Variants in ANKRD55 observed in about 807,000 individuals in gnomAD.
ANKRD55 encodes the protein ankyrin repeat domain-containing protein 55.
In ANKRD55, 41 loss-of-function variants were observed where a neutral mutation model predicts 60.6. The ratio of observed to expected loss-of-function variants is 0.68; its 90% CI spans 0.53 to 0.88. The LOEUF is 0.88. Ranked by LOEUF, ANKRD55 falls within the 40% of genes least tolerant of loss-of-function variation. The pLI, the probability that ANKRD55 is intolerant of heterozygous loss-of-function variation, is 0.00. For synonymous variants in ANKRD55, 264 were observed against 290.3 expected, an observed-to-expected ratio of 0.91 and a Z score of 0.92; for missense variants, 732 against 767.6, an observed-to-expected ratio of 0.95 and a Z score of 0.55.
chr5:56,186,913 G>A (rs1031555168), intron 2 of ANKRD55, among the ~76,000 whole-genome samples: 4 of 152,160 alleles, frequency 2.6e-5, no homozygotes, highest in African/African-American at 9.7e-5. Flanking sequence ...TCCTGGTGGT[G>A]GGCTGAGGAG....
At chr5:56,125,057 T>C (rs745994788) in intron 8 of ANKRD55, among the ~76,000 whole-genome samples, 12 of 152,210 alleles carry the variant, frequency 7.9e-5, no homozygotes, top group Non-Finnish European at 1.5e-4. Flanking sequence ...TGGATTTTCT[T>C]TGCTAAGTGG....
intron 2 of ANKRD55, chr5:56,192,459 A>G (rs1360866789): frequency 4.8e-6 from 1 of 207,790 alleles, no homozygotes; most frequent in Non-Finnish European, 9.7e-6. Flanking sequence ...CAGAGAAGCA[A>G]AAGTCGCCGG....
chr5:56,115,878 G>A lies in ANKRD55; in HGVS notation c.965+737C>T, dbSNP rs184179592. 5.0e-3 allele frequency among the ~76,000 whole-genome samples: 753 copies of A among 149,442 alleles called. 7 individuals carry two copies. Among genetic ancestry groups the A allele is most frequent in the African/African-American group, 0.017 (701 of 40,648 alleles). On this transcript the variant is annotated intron_variant, in intron 9 of 11. Transcript: ENST00000341048. ...TAATTAATTAATTTTTTTTTGAGAC[G>A]GAGTCTCACTCTGTCACCCAGGCTG...
At chr5:56,184,561 C>A (rs187563832) in intron 2 of ANKRD55, among the ~76,000 whole-genome samples, 1 of 152,300 alleles carries the variant, frequency 6.6e-6, no homozygotes, top group African/African-American at 2.4e-5. Context: ...TAGCCACCTG[C>A]ATTATGCCTT....
At chr5:56,210,248 A>G (rs1360304027) in intron 2 of ANKRD55, among the ~76,000 whole-genome samples, 2 of 152,086 alleles carry the variant, frequency 1.3e-5, no homozygotes, top group Non-Finnish European at 2.9e-5. Context: ...ATCTGTTGGT[A>G]TCCTTTCTAT....
At chr5:56,150,366 T>G (rs1311236859) in intron 6 of ANKRD55, among the ~76,000 whole-genome samples, 2 of 152,106 alleles carry the variant, frequency 1.3e-5, no homozygotes, top group Admixed American at 1.3e-4. Flanking sequence ...ATAAACAACC[T>G]TATATGTTAT....
intron 5 of ANKRD55, among the ~76,000 whole-genome samples, chr5:56,166,204 TC>T (rs1274352794): frequency 5.6e-5 from 8 of 142,352 alleles, no homozygotes; most frequent in South Asian, 4.6e-4. Flanking sequence ...CTTCCTTCTC[TC>T]TCTCTCTCTC....
chr5:56,232,822 A>G (rs772755978), intron 2 of ANKRD55, 34 bp downstream of exon 2: 2 of 1,605,452 alleles, frequency 1.2e-6, no homozygotes, highest in South Asian at 1.1e-5. Flanking sequence ...TAAGGATGCT[A>G]ACAACCAAAG....
At chr5:56,226,680 T>C (rs1259638956) in intron 2 of ANKRD55, among the ~76,000 whole-genome samples, 1 of 152,088 alleles carries the variant, frequency 6.6e-6, no homozygotes, top group Non-Finnish European at 1.5e-5. Flanking sequence ...GGGTGAAGGG[T>C]GTGAACAGAC....
chr5:56,173,022 C>T (rs1216128997), intron 4 of ANKRD55, among the ~76,000 whole-genome samples: 2 of 152,188 alleles, frequency 1.3e-5, no homozygotes, highest in Non-Finnish European at 2.9e-5. Flanking sequence ...TTTTACCCAC[C>T]ATGGTCACTC....
At chr5:56,142,311 G>C (rs1034860933) in intron 7 of ANKRD55, among the ~76,000 whole-genome samples, 1 of 152,154 alleles carries the variant, frequency 6.6e-6, no homozygotes, top group African/African-American at 2.4e-5. Flanking sequence ...TCTGGCCTGG[G>C]CTACAGAGTG....
intron 2 of ANKRD55, among the ~76,000 whole-genome samples, chr5:56,220,536 G>A (rs960290081): frequency 2.0e-5 from 3 of 152,132 alleles, no homozygotes; most frequent in Admixed American, 6.5e-5. Context: ...TGAAAGAGGC[G>A]GGGCACAGTG....
At chr5:56,121,014 G>A (rs1490312079) in intron 8 of ANKRD55, among the ~76,000 whole-genome samples, 1 of 152,170 alleles carries the variant, frequency 6.6e-6, no homozygotes, top group Non-Finnish European at 1.5e-5. Flanking sequence ...GCGAGGGATG[G>A]GGAATGTCTG....
intron 6 of ANKRD55, chr5:56,157,061 G>C (rs899124476): frequency 1.3e-5 from 2 of 152,876 alleles, no homozygotes; most frequent in African/African-American, 4.8e-5. Context: ...AAACATAAGA[G>C]ACTCCATTTT....
At chr5:56,121,225 C>A (rs1160367921) in intron 8 of ANKRD55, among the ~76,000 whole-genome samples, 1 of 151,942 alleles carries the variant, frequency 6.6e-6, no homozygotes, top group East Asian at 1.9e-4. Context: ...GGGTGGGGGG[C>A]TTTAAAAGAC....
rs943926887 is a variant in ANKRD55 at position 56,100,220 on chromosome 5, C to T, written c.1808G>A (p.Ser603Asn). Reference protein sequence around the residue: ...QRRHSTAAEESEHSANPTSDE... With the variant: ...QRRHSTAAEENEHSANPTSDE... The stretch of plus-strand genomic sequence containing the variant: ...ACTGGTGGGGTTGGCAGAATGTTCA[C>T]TCTCTTCTGCTGCTGTGCTGTGTCT... Residue 603 changes from serine (S) to asparagine (N), a missense_variant, in exon 12 of 12, where the codon AGT (serine) becomes AAT (asparagine). Transcript: ENST00000341048. 3 of 1,614,102 alleles carry T rather than the reference C, an allele frequency of 1.9e-6. No individual in the cohort carries two copies. The African/African-American group carries it at 4.0e-5, about 22-fold the overall frequency.
chr5:56,159,284 A>C (rs1448425794), intron 6 of ANKRD55, among the ~76,000 whole-genome samples: 2 of 152,206 alleles, frequency 1.3e-5, no homozygotes, highest in African/African-American at 4.8e-5. Flanking sequence ...CAACACGGAG[A>C]AACCCCATCT....
chr5:56,113,699 TG>T (rs1302858686), intron 9 of ANKRD55, among the ~76,000 whole-genome samples: 1 of 151,672 alleles, frequency 6.6e-6, no homozygotes, highest in African/African-American at 2.4e-5. Flanking sequence ...GAGGGTGAGG[TG>T]GGGGAATGGG....
chr5:56,210,775 A>C (rs1251907411), intron 2 of ANKRD55, among the ~76,000 whole-genome samples: 1 of 152,200 alleles, frequency 6.6e-6, no homozygotes, highest in East Asian at 1.9e-4. Flanking sequence ...ATGATTAGAA[A>C]TAACTTTATG....
Sources: gnomAD v4.1 joint callset for allele counts (sites outside exome capture counted in the v4.1 genomes callset) on GRCh38, gnomAD v4.1.1 for gene constraint, MANE v1.5 for transcripts, NCBI Gene and HGNC (gene_info 2026-07-23, HGNC 2026-07-21) for gene names.